SIK2: variants seen among roughly 807,000 people sequenced by gnomAD.
The protein encoded by SIK2 is serine/threonine-protein kinase SIK2.
A neutral mutation model predicts 103.2 loss-of-function variants in SIK2; 29 were observed. The ratio of observed to expected loss-of-function variants is 0.28; its 90% confidence interval spans 0.21 to 0.38. SIK2 has a LOEUF of 0.38. Among genes scored for constraint, SIK2 ranks in the 10% least tolerant of loss-of-function variants. SIK2 has a pLI of 1.00. For synonymous variants in SIK2, 412 were observed against 446.1 expected (o/e 0.92, Z 0.96); for missense variants, 879 against 1,171.0 (o/e 0.75, Z 3.64).
At chr11:111,700,835 A>G in intron 4 of SIK2, 51 bp from the exon 5 acceptor site, 2 of 1,603,374 alleles carry the variant, frequency 1.2e-6, no homozygotes, top group Admixed American at 3.4e-5. Flanking sequence ...AGAGAAATGC[A>G]GTATAGTTTG....
chr11:111,678,491 C>T (rs1942735195), intron 3 of SIK2, among the ~76,000 whole-genome samples: 1 of 152,160 alleles, frequency 6.6e-6, no homozygotes, highest in Admixed American at 6.5e-5. Flanking sequence ...GAAAAAAAGT[C>T]AGGACAGTTG....
At position 111,634,231 on chromosome 11, in the gene SIK2, C is replaced by T. The variant is rs118077938; in HGVS notation, c.316+13829C>T. Among the ~76,000 whole-genome samples, 1,012 of 152,154 alleles carry T rather than the reference C, an allele frequency of 6.7e-3. 8 individuals are homozygous for T. Among genetic ancestry groups the T allele is most frequent in the Middle Eastern group, 0.061 (18 of 294 alleles). The stretch of plus-strand genomic sequence containing the variant: ...CTTTCAGTGGTAACATACTAGGATG[C>T]CAGCTGTGGTAATTGAAAAAGGGCT... On this transcript the variant is annotated intron_variant, in intron 3 of 14. Transcript: ENST00000304987.
At chr11:111,665,701 C>CTA (rs1447132907) in intron 3 of SIK2, among the ~76,000 whole-genome samples, 1 of 151,980 alleles carries the variant, frequency 6.6e-6, no homozygotes, top group Non-Finnish European at 1.5e-5. Flanking sequence ...TGGCACATGC[C>CTA]TATAATCCCA....
At position 111,728,981 on chromosome 11, in the gene SIK2, A is replaced by C. The variant is rs1944087325; in HGVS notation, c.*4852A>C. 1 of 152,134 alleles carries C rather than the reference A, an allele frequency of 6.6e-6. No individual in the cohort carries two copies. The allele number at this position is 152,134 out of a possible 1,614,324, so 9.4% of individuals were successfully genotyped here. On this transcript the variant is annotated 3_prime_UTR_variant, in exon 15 of 15. Transcript: ENST00000304987. The stretch of plus-strand genomic sequence containing the variant: ...CTGCCTCTGTTTCTAAACTGGACAA[A>C]GAGATTTTCTTAAAGTTTCTATCAT...
intron 3 of SIK2, among the ~76,000 whole-genome samples, chr11:111,673,556 A>G (rs1254782999): frequency 6.6e-6 from 1 of 152,172 alleles, no homozygotes; most frequent in Non-Finnish European, 1.5e-5. Context: ...GATATTTTCT[A>G]CTTAGGATGT....
chr11:111,720,335 C>T lies in SIK2; in HGVS notation c.1496-143C>T, dbSNP rs1943763628. 3.4e-6 allele frequency: 3 copies of T among 886,886 alleles called. No individual in the cohort carries two copies. The South Asian group carries it at 5.5e-5, about 16-fold the overall frequency. 54.9% of individuals were successfully genotyped at this position (886,886 alleles called of 1,614,324 possible). A position where few individuals can be genotyped will look rare whatever the true frequency, so the allele number is the denominator to read the frequency against. ...TAAACTTGAAGATGACTAAATTGGC[C>T]AGTAAAAGGGCTCTGAAAAGATGTT... On this transcript the variant is annotated intron_variant, in intron 10 of 14. Coordinates refer to ENST00000304987, the MANE Select transcript of SIK2 (RefSeq NM_015191.3).
rs553180740 is a variant in SIK2 at position 111,606,304 on chromosome 11, TTATTA to T, written c.135+3609_135+3613del. Among the ~76,000 whole-genome samples the T allele has an allele frequency of 1.6e-3, 243 of 152,136 alleles. 2 individuals carry two copies. Among genetic ancestry groups the T allele is most frequent in the African/African-American group, 5.4e-3 (225 of 41,568 alleles). ...GAAAAATAAATAAAGAAGTAGTCTC[TTATTA>T]TAATATAAAAAATAAGAGTATAGTG... On this transcript the variant is annotated intron_variant, in intron 1 of 14. Coordinates refer to ENST00000304987, the MANE Select transcript of SIK2 (RefSeq NM_015191.3).
rs372467311 is a variant in SIK2 at position 111,721,843 on chromosome 11, A to G, written c.1958A>G (p.Gln653Arg). The G allele has an allele frequency of 5.6e-6, 9 of 1,608,072 alleles. No homozygotes were observed. The Admixed American group carries it at 1.0e-4, about 18-fold the overall frequency. The change falls in exon 13 of 15, where the codon CAG becomes CGG. Residue 653 changes from glutamine to arginine, a missense_variant. Physicochemically the swap from Gln to Arg is conservative, Grantham distance 43. Coordinates refer to ENST00000304987, the MANE Select transcript of SIK2 (RefSeq NM_015191.3). ...CTTGCTCCTCAGGAAGAAGTTTCTC[A>G]GCAGCAGGAAAGCGTCTCCACTCTC... Reference protein sequence around the residue: ...ASSCPQEEVSQQQESVSTLPA... With the variant: ...ASSCPQEEVSRQQESVSTLPA...
chr11:111,628,431 T>TTTCC (rs1941991253), intron 3 of SIK2, among the ~76,000 whole-genome samples: 1 of 146,854 alleles, frequency 6.8e-6, no homozygotes, highest in South Asian at 2.3e-4. Context: ...TCTTTCTTTC[T>TTTCC]TTCTTTCTTT....
chr11:111,649,281 C>G (rs993742509), intron 3 of SIK2, among the ~76,000 whole-genome samples: 1 of 152,134 alleles, frequency 6.6e-6, no homozygotes, highest in African/African-American at 2.4e-5. Context: ...ACACTGTACA[C>G]TTTAGTTGGT....
At chr11:111,720,872 CTGTT>C (rs1243738064) in intron 11 of SIK2, 23 bp from the exon 12 acceptor site, 5 of 1,608,448 alleles carry the variant, frequency 3.1e-6, no homozygotes, top group African/African-American at 2.7e-5. Flanking sequence ...TTTAGTTAAA[CTGTT>C]TGGTCTTGGT....
chr11:111,695,527 GACAA>G (rs1273334909), intron 4 of SIK2, among the ~76,000 whole-genome samples: 1 of 152,092 alleles, frequency 6.6e-6, no homozygotes, highest in African/African-American at 2.4e-5. Flanking sequence ...AGTAAACATT[GACAA>G]ACTGTTTAAA....
At chr11:111,715,187 GCACT>G (rs1185090285) in intron 9 of SIK2, among the ~76,000 whole-genome samples, 1 of 152,196 alleles carries the variant, frequency 6.6e-6, no homozygotes, top group Non-Finnish European at 1.5e-5. Context: ...TGCCATGCTG[GCACT>G]CAGTCAGGCC....
chr11:111,682,239 T>C (rs936772470), intron 3 of SIK2, among the ~76,000 whole-genome samples: 3 of 152,034 alleles, frequency 2.0e-5, no homozygotes, highest in East Asian at 3.9e-4. Context: ...ATAGAAACTA[T>C]AGGAGATGGA....
In SIK2 at chr11:111,724,168, A is replaced by T. The variant is rs1943896534; in HGVS notation, c.*39A>T. ...ATTGAGGTGGGTCAGGTGAAGGAAG[A>T]GTGTATGTTCCTATTTTTATTCCAG... On this transcript the variant is annotated 3_prime_UTR_variant, in exon 15 of 15. Coordinates refer to ENST00000304987, the MANE Select transcript of SIK2 (RefSeq NM_015191.3). 1 of 1,579,628 alleles carries T rather than the reference A, an allele frequency of 6.3e-7. No individual in the cohort carries two copies. The highest frequency in any genetic ancestry group is 1.1e-5 in the South Asian group (1 of 87,728).
intron 3 of SIK2, among the ~76,000 whole-genome samples, chr11:111,631,270 A>G (rs1388999923): frequency 1.3e-5 from 2 of 152,214 alleles, no homozygotes; most frequent in African/African-American, 4.8e-5. Context: ...GAAAGGCAGT[A>G]CATTAGACAC....
chr11:111,673,347 G>C (rs990555679), intron 3 of SIK2, among the ~76,000 whole-genome samples: 9 of 152,182 alleles, frequency 5.9e-5, no homozygotes, highest in Admixed American at 3.9e-4. Context: ...TTGTATTTCT[G>C]CAACTCTGAG....
Position 111,726,724 on chromosome 11 carries a change from C to T in SIK2, c.*2595C>T, listed in dbSNP as rs753542111. The T allele has an allele frequency of 6.5e-5, 34 of 525,344 alleles. No individual in the cohort carries two copies. The highest frequency in any genetic ancestry group is 1.1e-4 in the Non-Finnish European group (32 of 293,386). 32.5% of individuals were successfully genotyped at this position (525,344 alleles called of 1,614,324 possible). On this transcript the variant is annotated 3_prime_UTR_variant, in exon 15 of 15. Coordinates refer to ENST00000304987, the MANE Select transcript of SIK2 (RefSeq NM_015191.3). ...TTCATCACTACTAACAAACAAAACACTAAGAAGGCTTAGTATCGCTCTTTT... is the reference window on the plus strand; with the variant it reads ...TTCATCACTACTAACAAACAAAACATTAAGAAGGCTTAGTATCGCTCTTTT...
At chr11:111,715,176 A>G (rs187857469) in intron 9 of SIK2, among the ~76,000 whole-genome samples, 3 of 152,354 alleles carry the variant, frequency 2.0e-5, no homozygotes, top group Admixed American at 2.0e-4. Flanking sequence ...CACACTGGCA[A>G]TGCCATGCTG....
Sources: gnomAD v4.1 joint callset for allele counts (sites outside exome capture counted in the v4.1 genomes callset) on GRCh38, gnomAD v4.1.1 for gene constraint, MANE v1.5 for transcripts, NCBI Gene and HGNC (gene_info 2026-07-23, HGNC 2026-07-21) for gene names.